The following NAALADL2 variants were observed in gnomAD, a reference collection of about 807,000 sequenced individuals.
NAALADL2 encodes the protein inactive N-acetylated-alpha-linked acidic dipeptidase-like protein 2.
A neutral mutation model predicts 87.2 loss-of-function variants in NAALADL2; 76 were observed. The observed-to-expected ratio is 0.87, with a 90% CI of 0.72 to 1.05. The LOEUF (loss-of-function observed/expected upper bound fraction) is 1.05, where lower values mean the gene tolerates loss of function less well. Ranked by LOEUF, NAALADL2 falls within the 50% of genes least tolerant of loss-of-function variation. The probability of loss-of-function intolerance (pLI) is 0.00; values close to 1 mark genes in which losing one functional copy is unlikely to be tolerated. For missense variants in NAALADL2, 1,089 were observed against 945.8 expected, an observed-to-expected ratio of 1.15 and a Z score of -1.99; for synonymous variants, 354 against 331.0, an observed-to-expected ratio of 1.07 and a Z score of -0.75.
chr3:175,796,033 A>ATTG lies in NAALADL2; in HGVS notation c.2190-6969_2190-6967dup, dbSNP rs1753436924. ...CTTCCAGCAGGCTAACTAACCCCTT[A>ATTG]TTGTTCTTATTGGTAACATGGTGGT... On this transcript the variant is annotated intron_variant, in intron 13 of 13. Transcript: ENST00000454872. 2.9e-5 allele frequency among the ~76,000 whole-genome samples: 3 copies of ATTG among 103,830 alleles called. No individual in the cohort carries two copies. The South Asian group carries it at 1.0e-3, about 36-fold the overall frequency. The allele number at this position is 103,830 out of a possible 152,430, so 68.1% of individuals were successfully genotyped here.
chr3:174,942,723 G>A (rs1738808676), intron 1 of NAALADL2, among the ~76,000 whole-genome samples: 1 of 151,998 alleles, frequency 6.6e-6, no homozygotes, highest in Admixed American at 6.5e-5. Flanking sequence ...TGGAGGTTTT[G>A]TTTGCTCCGT....
intron 1 of NAALADL2, among the ~76,000 whole-genome samples, chr3:174,518,938 T>C (rs1720095932): frequency 6.6e-6 from 1 of 152,182 alleles, no homozygotes; most frequent in Non-Finnish European, 1.5e-5. Context: ...AGGCAAAAGC[T>C]CAATGATTTG....
chr3:174,611,875 G>A (rs957362929), intron 2 of NAALADL2, among the ~76,000 whole-genome samples: 2 of 151,804 alleles, frequency 1.3e-5, no homozygotes, highest in African/African-American at 4.8e-5. Context: ...GATTACAGGT[G>A]TGAGCCACTG....
At chr3:175,499,178 A>T (rs1212876551) in intron 9 of NAALADL2, among the ~76,000 whole-genome samples, 1 of 152,122 alleles carries the variant, frequency 6.6e-6, no homozygotes, top group African/African-American at 2.4e-5. Flanking sequence ...ATTTGTTAAT[A>T]TTCAAAGGGC....
chr3:174,950,355 C>T (rs1224812113), intron 1 of NAALADL2, among the ~76,000 whole-genome samples: 2 of 151,918 alleles, frequency 1.3e-5, no homozygotes, highest in Non-Finnish European at 2.9e-5. Flanking sequence ...TTTGGTTGTC[C>T]ACAAATCCTT....
intron 5 of NAALADL2, among the ~76,000 whole-genome samples, chr3:175,327,084 G>C (rs1348466112): frequency 1.3e-5 from 2 of 149,414 alleles, no homozygotes; most frequent in African/African-American, 4.9e-5. Context: ...TATAAACAAA[G>C]TAAACACAGT....
At chr3:175,439,410 A>G (rs1719313099) in intron 5 of NAALADL2, among the ~76,000 whole-genome samples, 1 of 151,818 alleles carries the variant, frequency 6.6e-6, no homozygotes, top group African/African-American at 2.4e-5. Context: ...TCTTTAAGGA[A>G]TCTCCATACT....
At chr3:174,741,822 A>G (rs1733795442) in intron 3 of NAALADL2, among the ~76,000 whole-genome samples, 2 of 151,770 alleles carry the variant, frequency 1.3e-5, no homozygotes, top group Non-Finnish European at 3.0e-5. Context: ...TTAGTGCTTG[A>G]TGCTGAAAAC....
chr3:175,017,790 A>G (rs1456851076), intron 1 of NAALADL2, among the ~76,000 whole-genome samples: 1 of 152,048 alleles, frequency 6.6e-6, no homozygotes, highest in Non-Finnish European at 1.5e-5. Flanking sequence ...GCATTTTTCT[A>G]CTGTCTTCTC....
chr3:175,383,563 C>G (rs1182342271), intron 5 of NAALADL2, among the ~76,000 whole-genome samples: 1 of 151,912 alleles, frequency 6.6e-6, no homozygotes, highest in African/African-American at 2.4e-5. Flanking sequence ...ATTCTTTAAC[C>G]AGCATATCCC....
At chr3:174,858,579 G>C (rs1726110919), upstream of NAALADL2, among the ~76,000 whole-genome samples, 1 of 151,908 alleles carries the variant, frequency 6.6e-6, no homozygotes, top group Admixed American at 6.6e-5. Flanking sequence ...AGGTCTCTCA[G>C]TTAATAAGTT....
At chr3:174,787,601 A>ATATATATG (rs1716919466) in intron 3 of NAALADL2, among the ~76,000 whole-genome samples, 1 of 91,208 alleles carries the variant, frequency 1.1e-5, no homozygotes, top group African/African-American at 3.9e-5. Flanking sequence ...ATATATATAT[A>ATATATATG]TATATATATA....
At chr3:175,282,114 A>C (rs1222345778) in intron 4 of NAALADL2, among the ~76,000 whole-genome samples, 1 of 152,094 alleles carries the variant, frequency 6.6e-6, no homozygotes, top group Non-Finnish European at 1.5e-5. Flanking sequence ...TATAATAAAT[A>C]CTACCAGATA....
chr3:174,574,740 A>C (rs932640478), intron 2 of NAALADL2, among the ~76,000 whole-genome samples: 1 of 152,122 alleles, frequency 6.6e-6, no homozygotes, highest in African/African-American at 2.4e-5. Context: ...TCACAAGTTC[A>C]TTTGGTCTCT....
chr3:175,363,684 T>A (rs1425575907), intron 5 of NAALADL2, among the ~76,000 whole-genome samples: 2 of 148,160 alleles, frequency 1.3e-5, no homozygotes, highest in Non-Finnish European at 3.0e-5. Context: ...TTTTACTCTA[T>A]TTTCTCATGT....
At chr3:174,853,201 CAAAAAAAAAAA>C (rs34303846) in intron 3 of NAALADL2, among the ~76,000 whole-genome samples, 3 of 45,626 alleles carry the variant, frequency 6.6e-5, no homozygotes, top group Admixed American at 3.5e-4. Context: ...CCGTCTCTAC[CAAAAAAAAAAA>C]AAAAAAAAAA....
At chr3:175,042,286 A>C (rs1754165231) in intron 1 of NAALADL2, among the ~76,000 whole-genome samples, 1 of 152,132 alleles carries the variant, frequency 6.6e-6, no homozygotes, top group Non-Finnish European at 1.5e-5. Context: ...TACTATATAT[A>C]TAGCCTGTTT....
At chr3:174,466,427 T>C (rs1291853768) in intron 1 of NAALADL2, among the ~76,000 whole-genome samples, 3 of 152,156 alleles carry the variant, frequency 2.0e-5, no homozygotes, top group Admixed American at 6.5e-5. Flanking sequence ...TACCTATGGC[T>C]GCAAGGGAAG....
intron 4 of NAALADL2, among the ~76,000 whole-genome samples, chr3:175,306,953 A>G (rs908746790): frequency 1.3e-5 from 2 of 152,180 alleles, no homozygotes; most frequent in African/African-American, 4.8e-5. Flanking sequence ...GATTTCTCAG[A>G]CTTGTGGTAG....
Sources: gnomAD v4.1 joint callset for allele counts (sites outside exome capture counted in the v4.1 genomes callset) on GRCh38, gnomAD v4.1.1 for gene constraint, MANE v1.5 for transcripts, NCBI Gene and HGNC (gene_info 2026-07-23, HGNC 2026-07-21) for gene names.